Variants in ACAP3 observed in about 807,000 individuals in gnomAD.
ACAP3 encodes the protein ArfGAP with coiled-coil, ankyrin repeat and PH domains 3.
ACAP3 carries 56 observed loss-of-function variants against 104.1 expected under a neutral mutation model. The ratio of observed to expected loss-of-function variants is 0.54; its 90% CI spans 0.43 to 0.67. The LOEUF (loss-of-function observed/expected upper bound fraction) is 0.67. Among genes scored for constraint, ACAP3 ranks in the 30% least tolerant of loss-of-function variants. ACAP3 has a pLI of 0.00. For synonymous variants in ACAP3, 628 were observed against 496.2 expected (o/e 1.27, Z -3.53); for missense variants, 1,208 against 1,174.9 (o/e 1.03, Z -0.41).
At chr1:1,301,258 CTTTTTTTTTTTT>C (rs869238177) in intron 5 of ACAP3, among the ~76,000 whole-genome samples, 1 of 105,428 alleles carries the variant, frequency 9.5e-6, no homozygotes, top group African/African-American at 3.7e-5. Flanking sequence ...TTGGGGGTGT[CTTTTTTTTTTTT>C]TTTTTTTTTG....
rs760274411 is a variant in ACAP3 at position 1,300,665 on chromosome 1, CTTT to C, written c.363_365del (p.Lys123del). On this transcript the variant is annotated inframe_deletion, in exon 6 of 24. Coordinates refer to ENST00000354700, the MANE Select transcript of ACAP3 (RefSeq NM_030649.3). ...CCTCCCGCACCTTGTCAAACTGCTT[CTTT>C]GTCTCCTTGAACTTCCGCACATCCC... 1.9e-6 allele frequency: 3 copies of C among 1,608,986 alleles called. No homozygotes were observed. The highest frequency in any genetic ancestry group is 1.1e-5 in the South Asian group (1 of 90,414).
In ACAP3 at chr1:1,293,492, T is replaced by G; in HGVS notation, c.*72A>C. 3.8e-6 allele frequency: 5 copies of G among 1,321,310 alleles called. No homozygotes were observed. Among genetic ancestry groups the G allele is most frequent in the East Asian group, 3.5e-5 (1 of 28,170 alleles). 81.8% of individuals were successfully genotyped at this position (1,321,310 alleles called of 1,614,324 possible). A position where few individuals can be genotyped will look rare whatever the true frequency, so the allele number is the denominator to read the frequency against. ...GGTCACACGCAGGGCCGCGGCCGGG[T>G]GGGCGCCAGGGACTTCGGGGCATGC... is the stretch of plus-strand genomic sequence containing the variant. On this transcript the variant is annotated 3_prime_UTR_variant, in exon 24 of 24. Coordinates refer to ENST00000354700, the MANE Select transcript of ACAP3 (RefSeq NM_030649.3).
Position 1,294,798 on chromosome 1 carries a change from C to T in ACAP3, c.1832G>A (p.Gly611Asp). ...AGPRSLSSDS[G>D]LGGSSDGSSD... ...GCTGCCATCCGAGCTGCCCCCAAGG[C>T]CACTGTCGCTACTCAGACCTGCAGG... The change falls in exon 20 of 24, where the codon GGC (glycine) becomes GAC (aspartate). Residue 611 changes from glycine to aspartate, a missense_variant. Transcript: ENST00000354700. The T allele has an allele frequency of 6.5e-7, 1 of 1,549,932 alleles. No homozygotes were observed. The highest frequency in any genetic ancestry group is 1.7e-4 in the Middle Eastern group (1 of 5,976).
At position 1,294,258 on chromosome 1, in the gene ACAP3, C is replaced by T. The variant is rs1641005580; in HGVS notation, c.2140-59G>A. On this transcript the variant is annotated intron_variant, in intron 21 of 23. Coordinates refer to ENST00000354700, the MANE Select transcript of ACAP3 (RefSeq NM_030649.3). Reference sequence around the variant, plus strand: ...GCACCGGCCCCTCTCCGCGCCTCTGCACCCTGACCCCGGCCTTGGGCGCCC... The same window carrying T: ...GCACCGGCCCCTCTCCGCGCCTCTGTACCCTGACCCCGGCCTTGGGCGCCC... 5.9e-6 allele frequency: 9 copies of T among 1,524,930 alleles called. No homozygotes were observed. The Admixed American group carries it at 1.8e-4, about 31-fold the overall frequency. The allele number at this position is 1,524,930 out of a possible 1,614,324, so 94.5% of individuals were successfully genotyped here. A position where few individuals can be genotyped will look rare whatever the true frequency, so the allele number is the denominator to read the frequency against.
chr1:1,302,030 G>A lies in ACAP3; in HGVS notation c.296C>T (p.Ala99Val). Residue 99 changes from alanine (A) to valine (V), a missense_variant, in exon 5 of 24, where the codon GCC becomes GTC. By Grantham distance (64) the Ala-to-Val change is moderately conservative. Transcript: ENST00000354700. ...GAGCTGCTGCCGCACGGACCTCTGG[G>A]CCTGGTCAAACAGGATCTGGGGGCA... ...VNYHMILFDQ[A>V]QRSVRQQLQS... 2.6e-6 allele frequency: 4 copies of A among 1,564,654 alleles called. No individual in the cohort carries two copies. Among genetic ancestry groups the A allele is most frequent in the East Asian group, 2.4e-5 (1 of 42,150 alleles).
chr1:1,298,351 C>G lies in ACAP3; in HGVS notation c.915+19G>C. ...GGGCGTCCAGCCATCAGGGCCCCAG[C>G]CCCAGGCCCAGGGCACACCTTGAGC... is the stretch of plus-strand genomic sequence containing the variant. On this transcript the variant is annotated intron_variant, in intron 12 of 23. Transcript: ENST00000354700. The G allele has an allele frequency of 6.2e-7, 1 of 1,605,934 alleles. No individual in the cohort carries two copies. The highest frequency in any genetic ancestry group is 8.5e-7 in the Non-Finnish European group (1 of 1,176,116).
chr1:1,302,303 CAGCCTG>C (rs1321559362), intron 4 of ACAP3, among the ~76,000 whole-genome samples: 2 of 151,840 alleles, frequency 1.3e-5, no homozygotes, highest in African/African-American at 4.9e-5. Context: ...TGCCTCATCA[CAGCCTG>C]AGCCGGAGCC....
At chr1:1,305,317 AG>A (rs1451665611) in intron 1 of ACAP3, 1 of 153,160 alleles carries the variant, frequency 6.5e-6, no homozygotes, top group Non-Finnish European at 1.5e-5. Context: ...GCTGACCGCC[AG>A]TGCCCAGCCT....
Position 1,294,143 on chromosome 1 carries a change from T to C in ACAP3, c.2196A>G (p.Arg732=). 1 of 1,596,012 alleles carries C rather than the reference T, an allele frequency of 6.3e-7. No homozygotes were observed. The highest frequency in any genetic ancestry group is 8.5e-7 in the Non-Finnish European group (1 of 1,171,660). ...GCAGGGGCGCCCGGCCCCGGCTGTCTCTTTGGTTCACGTCCGCTCCGTTTT... is the reference window on the plus strand; with the variant it reads ...GCAGGGGCGCCCGGCCCCGGCTGTCCCTTTGGTTCACGTCCGCTCCGTTTT... The part of the protein sequence containing the change: ...LLQNGADVNQ[R]DSRGRAPLHH... The change falls in exon 22 of 24, where the codon AGA becomes AGG. Residue 732 remains arginine (R), a synonymous_variant. Coordinates refer to ENST00000354700, the MANE Select transcript of ACAP3 (RefSeq NM_030649.3).
Position 1,302,836 on chromosome 1 carries a change from C to A in ACAP3, c.279+86G>T, listed in dbSNP as rs74045417. 3.1e-3 allele frequency: 2,882 copies of A among 917,434 alleles called. 65 individuals carry two copies. The African/African-American group carries it at 0.044, about 14-fold the overall frequency. The allele number at this position is 917,434 out of a possible 1,614,324, so 56.8% of individuals were successfully genotyped here. A position where few individuals can be genotyped will look rare whatever the true frequency, so the allele number is the denominator to read the frequency against. On this transcript the variant is annotated intron_variant, in intron 4 of 23. Transcript: ENST00000354700. ...TAGAGGAGCAGAAACGTGCCCCCCC[C>A]AACCCGACGCCGGCCTTCAGGTGAG...
At chr1:1,307,521 C>A in intron 1 of ACAP3, 1 of 1,155,682 alleles carries the variant, frequency 8.7e-7, no homozygotes. Flanking sequence ...CGGACGGTCC[C>A]GAGGTGCCCA....
chr1:1,293,814 C>T lies in ACAP3; in HGVS notation c.2360+9G>A. The T allele has an allele frequency of 6.4e-7, 1 of 1,574,648 alleles. No individual in the cohort carries two copies. The highest frequency in any genetic ancestry group is 8.6e-7 in the Non-Finnish European group (1 of 1,166,436). ...CCCCGCCCAGCCCCGAGGGCCCGGC[C>T]GCGCTCACAGTGTCACGATGTCAGC... On this transcript the variant is annotated intron_variant, in intron 23 of 23. Coordinates refer to ENST00000354700, the MANE Select transcript of ACAP3 (RefSeq NM_030649.3).
chr1:1,293,204 A>T lies in ACAP3; in HGVS notation c.*360T>A, dbSNP rs1640916752. 1 of 166,334 alleles carries T rather than the reference A, an allele frequency of 6.0e-6. No homozygotes were observed. 10.3% of individuals were successfully genotyped at this position (166,334 alleles called of 1,614,324 possible). A position where few individuals can be genotyped will look rare whatever the true frequency, so the allele number is the denominator to read the frequency against. On this transcript the variant is annotated 3_prime_UTR_variant, in exon 24 of 24. Transcript: ENST00000354700. ...TCAGTGTTCTGGGCAGAAGTGGGGC[A>T]CGAAGTAACACAGGCCCTGAGGACA...
chr1:1,293,744 G>GGAGGCCCCGCCCCTGCCCTT (rs1640954906), intron 23 of ACAP3, 36 bp from the exon 24 acceptor site: 1 of 1,455,904 alleles, frequency 6.9e-7, no homozygotes, highest in Admixed American at 2.6e-5. Context: ...CCCCTGCCCT[G>GGAGGCCCCGCCCCTGCCCTT]GAGGCCCCGC....
Position 1,293,617 on chromosome 1 carries a change from G to A in ACAP3, c.2452C>T (p.Gln818Ter). Residue 818 changes from glutamine (Q) to a stop codon, truncating the protein, a stop_gained, in exon 24 of 24, where the codon CAG becomes TAG. Coordinates refer to ENST00000354700, the MANE Select transcript of ACAP3 (RefSeq NM_030649.3). LOFTEE classifies it high-confidence loss of function. ...GALAGSPTEL[Q>*]FRRCIQEFIS... ...AACTCCTGGATACACCTGCGGAACT[G>A]GAGCTCCGTGGGGCTGCCCGCCAGG... 2 of 1,496,042 alleles carry A rather than the reference G, an allele frequency of 1.3e-6. No individual in the cohort carries two copies. Among genetic ancestry groups the A allele is most frequent in the East Asian group, 2.8e-5 (1 of 35,842 alleles). 92.7% of individuals were successfully genotyped at this position (1,496,042 alleles called of 1,614,324 possible).
chr1:1,294,783 G>A lies in ACAP3; in HGVS notation c.1847C>T (p.Ser616Leu). The change falls in exon 20 of 24, where the codon TCG becomes TTG. Residue 616 changes from serine (S) to leucine (L), a missense_variant. Transcript: ENST00000354700. ...AGCCAGGACGTCCGAGCTGCCATCC[G>A]AGCTGCCCCCAAGGCCACTGTCGCT... is the stretch of plus-strand genomic sequence containing the variant. ...LSSDSGLGGS[S>L]DGSSDVLAFG... 2 of 1,549,900 alleles carry A rather than the reference G, an allele frequency of 1.3e-6. No homozygotes were observed. The highest frequency in any genetic ancestry group is 1.7e-6 in the Non-Finnish European group (2 of 1,146,710).
In ACAP3 at chr1:1,297,705, A is replaced by T. The variant is rs6679281; in HGVS notation, c.1128+117T>A. The T allele has an allele frequency of 2.5e-4, 179 of 711,340 alleles. 26 individuals carry two copies. In the East Asian group the frequency reaches 6.3e-3, roughly 25 times the overall value. 44.1% of individuals were successfully genotyped at this position (711,340 alleles called of 1,614,324 possible). A position where few individuals can be genotyped will look rare whatever the true frequency, so the allele number is the denominator to read the frequency against. On this transcript the variant is annotated intron_variant, in intron 14 of 23. Transcript: ENST00000354700. ...TCCCCGGTGGCACGTGTGCACGGGCACGGGGCAGGGGCCATCCCCGGTGGC... is the reference window on the plus strand; with the variant it reads ...TCCCCGGTGGCACGTGTGCACGGGCTCGGGGCAGGGGCCATCCCCGGTGGC...
rs1641397175 is a variant in ACAP3 at position 1,300,493 on chromosome 1, C to A, written c.522+16G>T. On this transcript the variant is annotated intron_variant, in intron 6 of 23. Coordinates refer to ENST00000354700, the MANE Select transcript of ACAP3 (RefSeq NM_030649.3). ...TACAGCTGGTCCCCGCCCCCCAGCC[C>A]ATTTCTGGGGCTGACCTGGAGCACA... 6.2e-7 allele frequency: 1 copy of A among 1,600,008 alleles called. No homozygotes were observed. The highest frequency in any genetic ancestry group is 1.7e-5 in the Admixed American group (1 of 57,572).
chr1:1,302,003 TG>T lies in ACAP3; in HGVS notation c.322del (p.Gln108ArgfsTer30). The T allele has an allele frequency of 6.4e-7, 1 of 1,574,520 alleles. No individual in the cohort carries two copies. The highest frequency in any genetic ancestry group is 1.1e-5 in the South Asian group (1 of 87,230). The stretch of plus-strand genomic sequence containing the variant: ...GGCCACTCACTCTTTGACAAAGCTC[TG>T]GAGCTGCTGCCGCACGGACCTCTGG... ...QAQRSVRQQL[Q>X]SFVKEDVRKF... On this transcript the variant is annotated frameshift_variant, in exon 5 of 24. Coordinates refer to ENST00000354700, the MANE Select transcript of ACAP3 (RefSeq NM_030649.3). LOFTEE classifies it high-confidence loss of function.
Sources: gnomAD v4.1 joint callset for allele counts (sites outside exome capture counted in the v4.1 genomes callset) on GRCh38, gnomAD v4.1.1 for gene constraint, MANE v1.5 for transcripts, NCBI Gene and HGNC (gene_info 2026-07-23, HGNC 2026-07-21) for gene names.